Variants in DLG5 observed in about 807,000 individuals in gnomAD.
The protein encoded by DLG5 is discs large MAGUK scaffold protein 5, also known as disks large homolog 5.
Under a neutral mutation model 189.8 loss-of-function variants are expected in DLG5, and 48 were observed. The observed-to-expected ratio is 0.25, with a 90% CI of 0.20 to 0.32. The LOEUF (loss-of-function observed/expected upper bound fraction) is 0.32, where lower values mean the gene tolerates loss of function less well. Among genes scored for constraint, DLG5 ranks in the 10% least tolerant of loss-of-function variants. The pLI is 1.00. For missense variants in DLG5, 2,160 were observed against 2,544.7 expected (o/e 0.85, Z 3.25); for synonymous variants, 1,016 against 1,054.1 (o/e 0.96, Z 0.70).
At chr10:77,883,809 G>C (rs970129870) in intron 1 of DLG5, among the ~76,000 whole-genome samples, 1 of 143,988 alleles carries the variant, frequency 6.9e-6, no homozygotes, top group Non-Finnish European at 1.5e-5. Flanking sequence ...CAATTCTCCT[G>C]ACTCAGCCTC....
chr10:77,799,406 G>T (rs1841088852), intron 27 of DLG5, among the ~76,000 whole-genome samples: 1 of 152,146 alleles, frequency 6.6e-6, no homozygotes, highest in Non-Finnish European at 1.5e-5. Flanking sequence ...TAGAACTGCG[G>T]CTTTTTAAGA....
chr10:77,906,228 C>A (rs1270147309), intron 1 of DLG5, among the ~76,000 whole-genome samples: 1 of 152,232 alleles, frequency 6.6e-6, no homozygotes, highest in East Asian at 1.9e-4. Context: ...GCTGCAACTG[C>A]AAAGGCAAGA....
At chr10:77,915,010 G>A (rs1471144038) in intron 1 of DLG5, among the ~76,000 whole-genome samples, 2 of 152,134 alleles carry the variant, frequency 1.3e-5, no homozygotes, top group African/African-American at 4.8e-5. Context: ...AATCACATGT[G>A]ACTATTTCAG....
Position 77,916,904 on chromosome 10 carries a change from A to AATATATATATATATATAT in DLG5, c.304+9295_304+9312dup, listed in dbSNP as rs55841913. Among the ~76,000 whole-genome samples the AATATATATATATATATAT allele has an allele frequency of 3.2e-3, 407 of 129,008 alleles. 6 individuals carry two copies. The highest frequency in any genetic ancestry group is 0.011 in the East Asian group (42 of 3,896). 84.6% of individuals were successfully genotyped at this position (129,008 alleles called of 152,430 possible). A position where few individuals can be genotyped will look rare whatever the true frequency, so the allele number is the denominator to read the frequency against. On this transcript the variant is annotated intron_variant, in intron 1 of 31. Coordinates refer to ENST00000372391, the MANE Select transcript of DLG5 (RefSeq NM_004747.4). The stretch of plus-strand genomic sequence containing the variant: ...AGGTAAAGAAACAAATAAAATATAG[A>AATATATATATATATATAT]ATATATATATATATATATATATGAA...
chr10:77,822,239 G>T, intron 14 of DLG5, 138 bp from the exon 15 acceptor site: 1 of 897,628 alleles, frequency 1.1e-6, no homozygotes, highest in Non-Finnish European at 1.7e-6. Context: ...GATAGACAGA[G>T]ATGCACACAC....
At chr10:77,841,063 T>C (rs1843392369) in intron 7 of DLG5, among the ~76,000 whole-genome samples, 1 of 152,216 alleles carries the variant, frequency 6.6e-6, no homozygotes, top group Admixed American at 6.5e-5. Context: ...GGGATGTGAA[T>C]ATCTGAGAAC....
intron 8 of DLG5, 99 bp downstream of exon 8, chr10:77,835,639 G>A: frequency 7.7e-7 from 1 of 1,294,822 alleles, no homozygotes; most frequent in Non-Finnish European, 1.0e-6. Context: ...CACTTTACCT[G>A]GACATACAGT....
chr10:77,816,495 C>A, intron 20 of DLG5, 56 bp downstream of exon 20: 1 of 1,611,778 alleles, frequency 6.2e-7, no homozygotes, highest in Non-Finnish European at 8.5e-7. Flanking sequence ...GGCCCGCTGC[C>A]GGGATGCACA....
In DLG5 at chr10:77,821,691, G is replaced by C; in HGVS notation, c.2793C>G (p.Ala931=). The C allele has an allele frequency of 6.2e-7, 1 of 1,612,454 alleles. No homozygotes were observed. Among genetic ancestry groups the C allele is most frequent in the South Asian group, 1.1e-5 (1 of 91,050 alleles). The change falls in exon 15 of 32, where the codon GCC becomes GCG. Residue 931 remains alanine (A), a synonymous_variant. Transcript: ENST00000372391. The part of the protein sequence containing the change: ...TEVGPCGVGE[A]SLDKADSEGS... ...CTTCAGAGTCTGCCTTGTCCAGGGAGGCCTCCCCAACCCCACAGGGGCCCA... is the reference window on the plus strand; with the variant it reads ...CTTCAGAGTCTGCCTTGTCCAGGGACGCCTCCCCAACCCCACAGGGGCCCA...
chr10:77,913,722 G>A (rs1248879), intron 1 of DLG5, among the ~76,000 whole-genome samples: 46,623 of 151,934 alleles, frequency 0.31, 7,722 homozygotes, highest in Admixed American at 0.44. Context: ...CCGAATAGCT[G>A]GGGATACAGG....
intron 15 of DLG5, 87 bp downstream of exon 15, chr10:77,820,995 A>G (rs1286827973): frequency 1.3e-6 from 2 of 1,487,408 alleles, no homozygotes; most frequent in African/African-American, 2.8e-5. Context: ...GGCCTGGGAC[A>G]CTGGTGCAGG....
chr10:77,819,489 A>G, intron 16 of DLG5, 24 bp from the exon 17 acceptor site: 1 of 1,604,244 alleles, frequency 6.2e-7, no homozygotes, highest in South Asian at 1.1e-5. Flanking sequence ...TGGTGAGAAA[A>G]GACGCCCCAA....
chr10:77,875,620 T>C (rs1246963722), intron 1 of DLG5, among the ~76,000 whole-genome samples: 3 of 152,122 alleles, frequency 2.0e-5, no homozygotes, highest in Non-Finnish European at 4.4e-5. Flanking sequence ...CTCAATTCTG[T>C]GAACTGCAGA....
intron 1 of DLG5, among the ~76,000 whole-genome samples, chr10:77,898,297 A>G (rs1781828): frequency 0.31 from 46,761 of 152,182 alleles, 7,815 homozygotes; most frequent in Admixed American, 0.44. Context: ...CTGGGACTTC[A>G]CTTTTCTTGG....
At chr10:77,879,999 T>C (rs1032495098) in intron 1 of DLG5, among the ~76,000 whole-genome samples, 2 of 152,058 alleles carry the variant, frequency 1.3e-5, no homozygotes, top group Non-Finnish European at 2.9e-5. Context: ...GTGATGAGCC[T>C]TGATAAAATC....
At chr10:77,895,507 A>G (rs1300209988) in intron 1 of DLG5, among the ~76,000 whole-genome samples, 1 of 152,200 alleles carries the variant, frequency 6.6e-6, no homozygotes, top group Non-Finnish European at 1.5e-5. Context: ...AGAATTTGGC[A>G]GGACAGTTTA....
At chr10:77,880,466 AAAACAAAC>A (rs780476581) in intron 1 of DLG5, among the ~76,000 whole-genome samples, 36 of 152,280 alleles carry the variant, frequency 2.4e-4, no homozygotes, top group African/African-American at 7.9e-4. Flanking sequence ...AAAATAAATA[AAAACAAAC>A]AAACAAACAA....
At position 77,817,907 on chromosome 10, in the gene DLG5, G is replaced by T; in HGVS notation, c.3672-18C>A. 6.5e-7 allele frequency: 1 copy of T among 1,546,846 alleles called. No individual in the cohort carries two copies. Among genetic ancestry groups the T allele is most frequent in the Non-Finnish European group, 8.7e-7 (1 of 1,143,110 alleles). ...GCTGGACACTGCGTAAAAACAAGAG[G>T]TGAGGAGTTCGGGAGGAGAACCAGG... On this transcript the variant is annotated intron_variant, in intron 17 of 31. Transcript: ENST00000372391.
intron 7 of DLG5, among the ~76,000 whole-genome samples, chr10:77,836,310 A>G (rs1843132543): frequency 6.6e-6 from 1 of 152,202 alleles, no homozygotes; most frequent in African/African-American, 2.4e-5. Flanking sequence ...AACTCTTAGT[A>G]GCACTCATAT....
Sources: allele counts gnomAD v4.1 joint callset (sites outside exome capture counted in the v4.1 genomes callset), GRCh38; gene constraint gnomAD v4.1.1; transcripts MANE v1.5; gene names NCBI Gene and HGNC (gene_info 2026-07-23, HGNC 2026-07-21).